The following FAM170A variants were observed in gnomAD, a reference collection of about 807,000 sequenced individuals.
FAM170A encodes family with sequence similarity 170 member A, also known as protein FAM170A.
In FAM170A, 28 loss-of-function variants were observed where a neutral mutation model predicts 36.6. The observed-to-expected ratio is 0.76, with a 90% CI of 0.57 to 1.05. The LOEUF is 1.05. Ranked by LOEUF, FAM170A falls within the 50% of genes least tolerant of loss-of-function variation. FAM170A has a pLI of 0.00. For synonymous variants in FAM170A, 156 were observed against 143.9 expected, an observed-to-expected ratio of 1.08 and a Z score of -0.60; for missense variants, 434 against 396.5, an observed-to-expected ratio of 1.09 and a Z score of -0.80.
At chr5:119,634,792 A>T in intron 3 of FAM170A, 58 bp downstream of exon 3, 1 of 1,479,754 alleles carries the variant, frequency 6.8e-7, no homozygotes, top group Non-Finnish European at 9.1e-7. Flanking sequence ...CCGAGCCAGT[A>T]CTGTCTCCCC....
At chr5:119,633,634 C>T (rs1756304908) in intron 2 of FAM170A, among the ~76,000 whole-genome samples, 1 of 152,050 alleles carries the variant, frequency 6.6e-6, no homozygotes, top group Admixed American at 6.6e-5. Context: ...CATTCTCCCA[C>T]ACTACCTCCC....
exon 3 of FAM170A, chr5:119,634,309 C>A (rs761061534): frequency 4.3e-6 from 7 of 1,614,158 alleles, no homozygotes; most frequent in Non-Finnish European, 5.9e-6. Context: ...ACAGTGAGCC[C>A]AGTGGGGAGG....
At chr5:119,629,586 G>A in exon 1 of FAM170A, 1 of 499,892 alleles carries the variant, frequency 2.0e-6, no homozygotes, top group Non-Finnish European at 3.7e-6. Flanking sequence ...AGTGTAGTGG[G>A]CACTGGGCAG....
At chr5:119,629,954 C>G (rs1384959366) in intron 1 of FAM170A, 116 bp downstream of exon 1, 1 of 681,660 alleles carries the variant, frequency 1.5e-6, no homozygotes, top group South Asian at 1.7e-5. Context: ...TGCAGTGGCG[C>G]GATCTTGGCT....
chr5:119,634,234 C>T (rs922929996), exon 3 of FAM170A: 12 of 1,614,050 alleles, frequency 7.4e-6, no homozygotes, highest in Middle Eastern at 1.6e-4. Flanking sequence ...AAGAAGTGAC[C>T]CTTTCTGAGG....
Sources: gnomAD v4.1 joint callset for allele counts (sites outside exome capture counted in the v4.1 genomes callset) on GRCh38, gnomAD v4.1.1 for gene constraint, MANE v1.5 for transcripts, NCBI Gene and HGNC (gene_info 2026-07-23, HGNC 2026-07-21) for gene names.